Variants in MAPK4 observed in about 807,000 individuals in gnomAD.
MAPK4 encodes Erk3-related.
A neutral mutation model predicts 47.7 loss-of-function variants in MAPK4; 22 were observed. The observed-to-expected ratio is 0.46, with a 90% CI of 0.33 to 0.66. The LOEUF (loss-of-function observed/expected upper bound fraction) is 0.66, where lower values mean the gene tolerates loss of function less well. Among genes scored for constraint, MAPK4 ranks in the 30% least tolerant of loss-of-function variants. The probability of loss-of-function intolerance (pLI) is 0.02; values close to 1 mark genes in which losing one functional copy is unlikely to be tolerated. For synonymous variants in MAPK4, 390 were observed against 365.7 expected (o/e 1.07, Z -0.76); for missense variants, 736 against 831.7 (o/e 0.88, Z 1.42).
chr18:50,642,909 G>A (rs1186982591), intron 1 of MAPK4, among the ~76,000 whole-genome samples: 2 of 152,206 alleles, frequency 1.3e-5, no homozygotes, highest in Non-Finnish European at 2.9e-5. Context: ...CTGTCCTGCA[G>A]CATATTTGAT....
intron 2 of MAPK4, among the ~76,000 whole-genome samples, chr18:50,675,506 T>A (rs1908212801): frequency 1.3e-5 from 2 of 151,808 alleles, no homozygotes; most frequent in South Asian, 2.1e-4. Context: ...TTATTTATTT[T>A]TTTTGAGACA....
At chr18:50,644,138 A>C (rs1265583536) in intron 1 of MAPK4, among the ~76,000 whole-genome samples, 1 of 152,034 alleles carries the variant, frequency 6.6e-6, no homozygotes, top group African/African-American at 2.4e-5. Context: ...ACTGAAAAGG[A>C]CACTTTGCTT....
intron 1 of MAPK4, among the ~76,000 whole-genome samples, chr18:50,626,608 T>C (rs1598840757): frequency 6.6e-6 from 1 of 152,288 alleles, no homozygotes; most frequent in East Asian, 1.9e-4. Flanking sequence ...TTTTCCTTTT[T>C]CTCGTCCCCT....
intron 2 of MAPK4, among the ~76,000 whole-genome samples, chr18:50,686,265 G>A (rs907129402): frequency 2.6e-5 from 4 of 152,210 alleles, no homozygotes; most frequent in African/African-American, 4.8e-5. Flanking sequence ...AAGACTGGAA[G>A]CTAAGGAAGT....
At chr18:50,622,607 T>C (rs1266266142) in intron 1 of MAPK4, among the ~76,000 whole-genome samples, 1 of 152,244 alleles carries the variant, frequency 6.6e-6, no homozygotes, top group Non-Finnish European at 1.5e-5. Flanking sequence ...CCTCATGTAC[T>C]GCCCTCAGAG....
intron 1 of MAPK4, among the ~76,000 whole-genome samples, chr18:50,631,148 G>A (rs1023290999): frequency 1.3e-5 from 2 of 152,160 alleles, no homozygotes; most frequent in Non-Finnish European, 2.9e-5. Flanking sequence ...CTCTCATACT[G>A]CAAACAAGTG....
chr18:50,600,471 A>T (rs1259860493), intron 1 of MAPK4, among the ~76,000 whole-genome samples: 1 of 152,058 alleles, frequency 6.6e-6, no homozygotes, highest in Non-Finnish European at 1.5e-5. Context: ...CTTCTGAGAA[A>T]TTTTTCTTCA....
chr18:50,626,142 C>T (rs1021944036), intron 1 of MAPK4, among the ~76,000 whole-genome samples: 12 of 152,268 alleles, frequency 7.9e-5, no homozygotes, highest in Admixed American at 5.2e-4. Context: ...GAAGACCACC[C>T]ACATTATGAA....
At position 50,691,573 on chromosome 18, in the gene MAPK4, T is replaced by C. The variant is rs1010247274; in HGVS notation, c.547-23506T>C. ...ATTGTGTATACCTACTCTGTGTCGA[T>C]ACAGTTCCTACACACATATATGTGG... is the stretch of plus-strand genomic sequence containing the variant. On this transcript the variant is annotated intron_variant, in intron 2 of 5. Coordinates refer to ENST00000400384, the MANE Select transcript of MAPK4 (RefSeq NM_002747.4). 6.6e-5 allele frequency among the ~76,000 whole-genome samples: 10 copies of C among 152,338 alleles called. No individual in the cohort carries two copies. The East Asian group carries it at 1.7e-3, about 26-fold the overall frequency.
intron 2 of MAPK4, among the ~76,000 whole-genome samples, chr18:50,694,289 C>T (rs9964102): frequency 0.3 from 46,311 of 151,890 alleles, 7,278 homozygotes; most frequent in Non-Finnish European, 0.34. Context: ...CCTCCTCATG[C>T]ACGTGGGCTC....
At chr18:50,620,540 C>T (rs980937766) in intron 1 of MAPK4, among the ~76,000 whole-genome samples, 10 of 152,220 alleles carry the variant, frequency 6.6e-5, no homozygotes, top group African/African-American at 1.9e-4. Context: ...TGCTTATACT[C>T]ACCCAGGGAT....
intron 1 of MAPK4, among the ~76,000 whole-genome samples, chr18:50,565,208 T>G (rs1486283617): frequency 3.9e-5 from 6 of 152,214 alleles, no homozygotes; most frequent in Non-Finnish European, 5.9e-5. Context: ...GGGTGACCTA[T>G]ACTTCTGTTA....
intron 1 of MAPK4, among the ~76,000 whole-genome samples, chr18:50,651,143 C>G (rs2043044189): frequency 6.6e-6 from 1 of 152,224 alleles, no homozygotes; most frequent in Non-Finnish European, 1.5e-5. Flanking sequence ...GCAGGTGCTG[C>G]TGGGGAGACT....
intron 1 of MAPK4, among the ~76,000 whole-genome samples, chr18:50,579,705 CAGGTACCCTCAGGAT>C: frequency 6.6e-6 from 1 of 152,304 alleles, no homozygotes; most frequent in African/African-American, 2.4e-5. Context: ...GGAAGTCTCC[CAGGTACCCTCAGGAT>C]GGTGCCAGTG....
intron 1 of MAPK4, among the ~76,000 whole-genome samples, chr18:50,636,596 A>G (rs2042891061): frequency 6.6e-6 from 1 of 152,180 alleles, no homozygotes; most frequent in Non-Finnish European, 1.5e-5. Context: ...AATGTTCCAC[A>G]TGACATGTCT....
At chr18:50,605,029 C>T (rs2042570628) in intron 1 of MAPK4, among the ~76,000 whole-genome samples, 1 of 152,192 alleles carries the variant, frequency 6.6e-6, no homozygotes, top group Non-Finnish European at 1.5e-5. Context: ...GACATTACTG[C>T]CATAGACTCT....
intron 3 of MAPK4, among the ~76,000 whole-genome samples, chr18:50,720,384 A>T (rs2144464206): frequency 6.6e-6 from 1 of 152,262 alleles, no homozygotes; most frequent in South Asian, 2.1e-4. Flanking sequence ...TCCAAGTATA[A>T]ATAATCATCC....
At chr18:50,565,899 A>C (rs898650265) in intron 1 of MAPK4, among the ~76,000 whole-genome samples, 1 of 152,232 alleles carries the variant, frequency 6.6e-6, no homozygotes, top group African/African-American at 2.4e-5. Context: ...TGCATTTCTT[A>C]GATGGATCCC....
intron 2 of MAPK4, chr18:50,704,784 G>A (rs1343044284): frequency 7.5e-6 from 3 of 398,526 alleles, no homozygotes; most frequent in African/African-American, 6.2e-5. Context: ...ATCCTCTTCT[G>A]TGGAGCAGGG....
Sources: gnomAD v4.1 joint callset for allele counts (sites outside exome capture counted in the v4.1 genomes callset) on GRCh38, gnomAD v4.1.1 for gene constraint, MANE v1.5 for transcripts, NCBI Gene and HGNC (gene_info 2026-07-23, HGNC 2026-07-21) for gene names.